Variants in PCDHGA4 observed in about 807,000 individuals in gnomAD.
PCDHGA4 encodes the protein protocadherin gamma subfamily A, 4, also known as protocadherin gamma-A4.
In PCDHGA4, 38 loss-of-function variants were observed where a neutral mutation model predicts 54.6. The ratio of observed to expected loss-of-function variants is 0.70; its 90% confidence interval spans 0.54 to 0.91. PCDHGA4 has a LOEUF of 0.91. Ranked by LOEUF, PCDHGA4 falls within the 40% of genes least tolerant of loss-of-function variation. The pLI, the probability that PCDHGA4 is intolerant of heterozygous loss-of-function variation, is 0.00. For missense variants in PCDHGA4, 1,298 were observed against 1,220.9 expected, an observed-to-expected ratio of 1.06 and a Z score of -0.94; for synonymous variants, 511 against 512.9, an observed-to-expected ratio of 1.00 and a Z score of 0.05.
Position 141,489,730 on chromosome 5 carries a change from A to G in PCDHGA4, c.2515-5077A>G. The stretch of plus-strand genomic sequence containing the variant: ...CAGTGCCCAGGATCCGGATGTGGGC[A>G]CCAATACTGTGAGCTTTTACACTCT... On this transcript the variant is annotated intron_variant, in intron 1 of 3. Coordinates refer to ENST00000571252, the MANE Select transcript of PCDHGA4 (RefSeq NM_018917.4). This position sits in a 1 kb window ranked among gnomAD's most constrained non-coding sequence, Gnocchi z 4.5. 6.2e-7 allele frequency: 1 copy of G among 1,614,182 alleles called. No homozygotes were observed. Among genetic ancestry groups the G allele is most frequent in the Non-Finnish European group, 8.5e-7 (1 of 1,180,020 alleles).
Position 141,388,949 on chromosome 5 carries a change from G to A in PCDHGA4, c.2514+31328G>A. The A allele has an allele frequency of 6.2e-7, 1 of 1,613,986 alleles. No homozygotes were observed. The highest frequency in any genetic ancestry group is 8.5e-7 in the Non-Finnish European group (1 of 1,179,876). On this transcript the variant is annotated intron_variant, in intron 1 of 3. Coordinates refer to ENST00000571252, the MANE Select transcript of PCDHGA4 (RefSeq NM_018917.4). ...TCCAGTCTCTACCCAACCTAATTAT[G>A]GAGGACGCCGAGCTGGGAACACATA...
chr5:141,499,836 A>G (rs2099794751), intron 2 of PCDHGA4, among the ~76,000 whole-genome samples: 1 of 151,894 alleles, frequency 6.6e-6, no homozygotes, highest in African/African-American at 2.4e-5. Flanking sequence ...ACAGGTGTGC[A>G]CCACCACACA....
At chr5:141,399,010 G>C in intron 1 of PCDHGA4, 1 of 1,613,844 alleles carries the variant, frequency 6.2e-7, no homozygotes, top group Non-Finnish European at 8.5e-7. Flanking sequence ...TTCAAAGAGC[G>C]GAGAAATTAC....
chr5:141,394,805 G>A, intron 1 of PCDHGA4: 1 of 1,613,860 alleles, frequency 6.2e-7, no homozygotes, highest in Non-Finnish European at 8.5e-7. Context: ...CCGTAGCCGT[G>A]GCTGACAGCA....
intron 1 of PCDHGA4, chr5:141,364,749 T>G: frequency 6.2e-7 from 1 of 1,613,916 alleles, no homozygotes; most frequent in Non-Finnish European, 8.5e-7. Flanking sequence ...GAGTTAAAAG[T>G]AAAAGTTAAT....
chr5:141,421,207 A>G (rs1318794693), intron 1 of PCDHGA4: 3 of 1,533,934 alleles, frequency 2.0e-6, no homozygotes, highest in Non-Finnish European at 2.6e-6. Context: ...GAAACCGCGG[A>G]ATATCGGCTT....
intron 1 of PCDHGA4, chr5:141,400,082 C>A: frequency 1.2e-6 from 2 of 1,614,016 alleles, no homozygotes; most frequent in Non-Finnish European, 1.7e-6. Flanking sequence ...CCACTCTCCG[C>A]CACCGCCACG....
chr5:141,431,648 A>G lies in PCDHGA4; in HGVS notation c.2515-63159A>G. 2 of 1,614,240 alleles carry G rather than the reference A, an allele frequency of 1.2e-6. No individual in the cohort carries two copies. The highest frequency in any genetic ancestry group is 1.7e-6 in the Non-Finnish European group (2 of 1,180,046). On this transcript the variant is annotated intron_variant, in intron 1 of 3. Transcript: ENST00000571252. The surrounding 1 kb of genome is among the most constrained non-coding windows in gnomAD (Gnocchi z 4.8). ...GGCCCAAGTTTTCAAACTAGATTGT[A>G]ATTCAGGGACAATATCAACAATAGG...
At chr5:141,367,065 T>C (rs1054536052) in intron 1 of PCDHGA4, 27 of 305,946 alleles carry the variant, frequency 8.8e-5, no homozygotes, top group African/African-American at 6.0e-4. Context: ...TTTTATTTAT[T>C]CAAATTGTTA....
intron 1 of PCDHGA4, among the ~76,000 whole-genome samples, chr5:141,444,229 T>G (rs957213677): frequency 4.6e-5 from 6 of 130,226 alleles, no homozygotes; most frequent in Admixed American, 9.4e-5. Context: ...TGGAGTGCAA[T>G]GGCATGCTCT....
Position 141,486,812 on chromosome 5 carries a change from A to G in PCDHGA4, c.2515-7995A>G, listed in dbSNP as rs781747283. 6.2e-7 allele frequency: 1 copy of G among 1,614,226 alleles called. No individual in the cohort carries two copies. The highest frequency in any genetic ancestry group is 8.5e-7 in the Non-Finnish European group (1 of 1,180,046). ...GGATCGGGGCAACCCACCCCTTAGC[A>G]GCACTGTAACAGTTCGTCTATTTGT... On this transcript the variant is annotated intron_variant, in intron 1 of 3. Transcript: ENST00000571252. This position sits in a 1 kb window ranked among gnomAD's most constrained non-coding sequence, Gnocchi z 5.0.
intron 1 of PCDHGA4, chr5:141,393,556 G>A (rs758148175): frequency 5.6e-6 from 9 of 1,613,916 alleles, no homozygotes; most frequent in East Asian, 2.2e-5. Flanking sequence ...CCGATTTACC[G>A]AGTGAAAGTC....
intron 1 of PCDHGA4, among the ~76,000 whole-genome samples, chr5:141,407,428 G>A (rs1211459456): frequency 6.6e-6 from 1 of 151,524 alleles, no homozygotes; most frequent in Non-Finnish European, 1.5e-5. Context: ...AATGTCTCTT[G>A]CCCTTAAAAC....
At position 141,370,934 on chromosome 5, in the gene PCDHGA4, G is replaced by C. The variant is rs757298448; in HGVS notation, c.2514+13313G>C. The C allele has an allele frequency of 1.2e-6, 2 of 1,613,980 alleles. No homozygotes were observed. Among genetic ancestry groups the C allele is most frequent in the South Asian group, 2.2e-5 (2 of 91,086 alleles). On this transcript the variant is annotated intron_variant, in intron 1 of 3. Coordinates refer to ENST00000571252, the MANE Select transcript of PCDHGA4 (RefSeq NM_018917.4). ...TCAGCCCTGATCCGCACTTCTCTTT[G>C]ATTCAGAAGGAGAACCTGGATGGCA... is the stretch of plus-strand genomic sequence containing the variant.
Position 141,355,229 on chromosome 5 carries a change from A to G in PCDHGA4, c.122A>G (p.His41Arg). The G allele has an allele frequency of 1.9e-6, 3 of 1,611,306 alleles. No homozygotes were observed. Among genetic ancestry groups the G allele is most frequent in the Non-Finnish European group, 2.5e-6 (3 of 1,178,710 alleles). The part of the protein sequence containing the change: ...VMAAPPARPD[H>R]TRLLQICLLL... ...GCGGCGCCTCCTGCTCGCCCAGACC[A>G]CACCCGGCTGCTCCAGATCTGCCTT... Residue 41 changes from histidine (H) to arginine (R), a missense_variant, in exon 1 of 4, where the codon CAC (histidine) becomes CGC (arginine). Coordinates refer to ENST00000571252, the MANE Select transcript of PCDHGA4 (RefSeq NM_018917.4).
intron 1 of PCDHGA4, chr5:141,366,176 C>G (rs1764373617): frequency 1.2e-6 from 2 of 1,613,926 alleles, no homozygotes; most frequent in Admixed American, 3.3e-5. Flanking sequence ...CGAGCCAGGA[C>G]TCTTTGCGGT....
intron 1 of PCDHGA4, chr5:141,360,857 T>G: frequency 6.2e-7 from 1 of 1,613,894 alleles, no homozygotes; most frequent in Non-Finnish European, 8.5e-7. Flanking sequence ...AACCCTCCAG[T>G]GTTCAGCCAG....
chr5:141,471,562 G>T (rs2099259935), intron 1 of PCDHGA4: 1 of 152,136 alleles, frequency 6.6e-6, no homozygotes, highest in Non-Finnish European at 1.5e-5. Flanking sequence ...TTGACTCAGG[G>T]GTAGCAGTAG....
At chr5:141,403,179 C>T (rs1341077920) in intron 1 of PCDHGA4, 1 of 1,614,000 alleles carries the variant, frequency 6.2e-7, no homozygotes, top group Admixed American at 1.7e-5. Flanking sequence ...CAGCTTTTCT[C>T]TCTGAACCCG....
Sources: gnomAD v4.1 joint callset for allele counts (sites outside exome capture counted in the v4.1 genomes callset) on GRCh38, gnomAD v4.1.1 for gene constraint, Gnocchi (gnomAD v3.1) non-coding constraint, MANE v1.5 for transcripts, NCBI Gene and HGNC (gene_info 2026-07-23, HGNC 2026-07-21) for gene names.